Variants in CSMD1 observed in about 807,000 individuals in gnomAD.
The protein encoded by CSMD1 is CUB and sushi domain-containing protein 1.
CSMD1 carries 213 observed loss-of-function variants against 417.5 expected under a neutral mutation model. The observed-to-expected ratio is 0.51, with a 90% CI of 0.46 to 0.57. CSMD1 has a LOEUF of 0.57. CSMD1 is among the 20% of genes least tolerant of loss of function. The pLI, the probability that CSMD1 is intolerant of heterozygous loss-of-function variation, is 0.00. For synonymous variants in CSMD1, 2,862 were observed against 1,736.8 expected, an observed-to-expected ratio of 1.65 and a Z score of -16.11; for missense variants, 6,923 against 4,529.7, an observed-to-expected ratio of 1.53 and a Z score of -15.17.
chr8:4,702,106 C>A (rs576988032), intron 1 of CSMD1, among the ~76,000 whole-genome samples: 2 of 152,102 alleles, frequency 1.3e-5, no homozygotes, highest in South Asian at 4.1e-4. Flanking sequence ...TGGAGCCTGT[C>A]AGGGATGAGG....
chr8:2,993,498 C>G (rs1045637953), intron 54 of CSMD1, among the ~76,000 whole-genome samples: 1 of 152,224 alleles, frequency 6.6e-6, no homozygotes, highest in African/African-American at 2.4e-5. Flanking sequence ...CTCTCAGCGT[C>G]TCCCAGATGC....
At chr8:4,625,083 T>C (rs1402786469) in intron 2 of CSMD1, among the ~76,000 whole-genome samples, 1 of 152,058 alleles carries the variant, frequency 6.6e-6, no homozygotes, top group African/African-American at 2.4e-5. Context: ...TGTTCCTTAA[T>C]TGGATGGGTC....
At chr8:3,504,523 C>T (rs1486813659) in intron 10 of CSMD1, among the ~76,000 whole-genome samples, 1 of 152,178 alleles carries the variant, frequency 6.6e-6, no homozygotes, top group Non-Finnish European at 1.5e-5. Flanking sequence ...TTCATAAAAA[C>T]CTTGTCATGT....
At chr8:3,388,469 C>T in intron 17 of CSMD1, among the ~76,000 whole-genome samples, 1 of 152,148 alleles carries the variant, frequency 6.6e-6, no homozygotes, top group East Asian at 1.9e-4. Flanking sequence ...CTTGTTATTG[C>T]TGTGTCATCC....
Position 3,692,605 on chromosome 8 carries a change from G to C in CSMD1, c.1009+15809C>G, listed in dbSNP as rs533087044. Among the ~76,000 whole-genome samples the C allele has an allele frequency of 9.2e-4, 140 of 152,060 alleles. 3 individuals carry two copies. The highest frequency in any genetic ancestry group is 3.2e-3 in the African/African-American group (133 of 41,480). ...ATGTCACCACACACAGCTAATTTTT[G>C]TATTTTTCGTAGAGGTGGGGTTTCA... is the stretch of plus-strand genomic sequence containing the variant. On this transcript the variant is annotated intron_variant, in intron 7 of 69. Transcript: ENST00000635120.
At chr8:3,639,941 G>C (rs1051220737) in intron 7 of CSMD1, among the ~76,000 whole-genome samples, 6 of 152,202 alleles carry the variant, frequency 3.9e-5, no homozygotes, top group Non-Finnish European at 7.3e-5. Flanking sequence ...GATAAGAAGA[G>C]AAAATATTTA....
At chr8:4,753,779 C>T (rs966856057) in intron 1 of CSMD1, among the ~76,000 whole-genome samples, 29 of 152,330 alleles carry the variant, frequency 1.9e-4, no homozygotes, top group African/African-American at 4.6e-4. Flanking sequence ...TCCCTTTCCT[C>T]CCCACCACTG....
chr8:4,408,736 C>A (rs1157387512), intron 3 of CSMD1, among the ~76,000 whole-genome samples: 3 of 152,076 alleles, frequency 2.0e-5, no homozygotes, highest in African/African-American at 4.8e-5. Context: ...TTGTAGAGGT[C>A]AACAGAGTAT....
chr8:3,219,419 T>A lies in CSMD1; in HGVS notation c.4508A>T (p.Asp1503Val). Residue 1503 changes from aspartate to valine, a missense_variant, in exon 29 of 70, where the codon GAC becomes GTC. By Grantham distance (152) the Asp-to-Val change is radical. Coordinates refer to ENST00000635120, the MANE Select transcript of CSMD1 (RefSeq NM_033225.6). ...FKSFNMEPSYDFLHIYEGEDS... is the reference protein window; with the variant it reads ...FKSFNMEPSYVFLHIYEGEDS... ...TTCCCCTTCATAGATGTGTAGGAAG[T>A]CATAGCTGGGCTCCATGTTGAAACT... 2.6e-6 allele frequency: 4 copies of A among 1,524,466 alleles called. No individual in the cohort carries two copies. The highest frequency in any genetic ancestry group is 3.5e-6 in the Non-Finnish European group (4 of 1,136,300). The allele number at this position is 1,524,466 out of a possible 1,614,324, so 94.4% of individuals were successfully genotyped here. A position where few individuals can be genotyped will look rare whatever the true frequency, so the allele number is the denominator to read the frequency against.
At chr8:3,319,569 A>T (rs1806010945) in intron 23 of CSMD1, among the ~76,000 whole-genome samples, 2 of 152,232 alleles carry the variant, frequency 1.3e-5, no homozygotes, top group African/African-American at 4.8e-5. Context: ...CTATGCTTTC[A>T]AACACTTCCG....
chr8:4,824,648 G>A (rs1437341706), intron 1 of CSMD1, among the ~76,000 whole-genome samples: 2 of 152,104 alleles, frequency 1.3e-5, no homozygotes, highest in African/African-American at 2.4e-5. Flanking sequence ...CCCAACAGAA[G>A]GAATCTCATA....
At chr8:3,394,278 TATA>T (rs890114006) in intron 17 of CSMD1, among the ~76,000 whole-genome samples, 7 of 147,372 alleles carry the variant, frequency 4.7e-5, no homozygotes, top group Admixed American at 2.0e-4. Flanking sequence ...TTCCATATTT[TATA>T]ATAATAAAAT....
intron 5 of CSMD1, among the ~76,000 whole-genome samples, chr8:3,827,140 G>A (rs1052613122): frequency 1.3e-5 from 2 of 152,038 alleles, no homozygotes; most frequent in Non-Finnish European, 2.9e-5. Context: ...CCCTACATGT[G>A]CTCACACAGT....
chr8:4,274,323 G>A (rs1232834093), intron 3 of CSMD1, among the ~76,000 whole-genome samples: 8 of 152,072 alleles, frequency 5.3e-5, no homozygotes, highest in Non-Finnish European at 8.8e-5. Flanking sequence ...TACGTGGGGA[G>A]GAAAAACACA....
intron 1 of CSMD1, among the ~76,000 whole-genome samples, chr8:4,668,449 ATT>A: frequency 6.8e-6 from 1 of 146,038 alleles, no homozygotes; most frequent in South Asian, 2.2e-4. Flanking sequence ...TATTATTATT[ATT>A]ATTATTATTA....
intron 39 of CSMD1, among the ~76,000 whole-genome samples, chr8:3,157,042 T>G (rs776983149): frequency 7.0e-6 from 1 of 143,388 alleles, no homozygotes; most frequent in Non-Finnish European, 1.5e-5. Flanking sequence ...GCAGAGGAAG[T>G]AGATCCAGGA....
chr8:3,860,492 A>G lies in CSMD1; in HGVS notation c.819-106450T>C, dbSNP rs1158290941. On this transcript the variant is annotated intron_variant, in intron 5 of 69. Transcript: ENST00000635120. ...TAATATAGTTTTTAAAATGTACTTG[A>G]AGTTCCTTTATGCAAGGTACCTTGT... 2.0e-5 allele frequency among the ~76,000 whole-genome samples: 3 copies of G among 152,130 alleles called. No individual in the cohort carries two copies. The East Asian group carries it at 5.8e-4, about 29-fold the overall frequency.
rs149630412 is a variant in CSMD1, at chr8:4,236,164, A to C, written c.415+183789T>G. Among the ~76,000 whole-genome samples, 171 of 151,618 alleles carry C rather than the reference A, an allele frequency of 1.1e-3. 2 individuals carry two copies. Among genetic ancestry groups the C allele is most frequent in the African/African-American group, 3.6e-3 (150 of 41,166 alleles). Reference sequence around the variant, plus strand: ...TATGTTATCAGTAAGGTCTTCGATCAGGAACTGAAATGCCACGGACAACAC... The same window carrying C: ...TATGTTATCAGTAAGGTCTTCGATCCGGAACTGAAATGCCACGGACAACAC... On this transcript the variant is annotated intron_variant, in intron 3 of 69. Coordinates refer to ENST00000635120, the MANE Select transcript of CSMD1 (RefSeq NM_033225.6).
chr8:3,863,834 G>GA (rs1334428096), intron 5 of CSMD1, among the ~76,000 whole-genome samples: 5 of 151,844 alleles, frequency 3.3e-5, no homozygotes, highest in African/African-American at 7.3e-5. Context: ...AAAAAAATCA[G>GA]AAAAAACAGA....
Sources: gnomAD v4.1 joint callset for allele counts (sites outside exome capture counted in the v4.1 genomes callset) on GRCh38, gnomAD v4.1.1 for gene constraint, MANE v1.5 for transcripts, NCBI Gene and HGNC (gene_info 2026-07-23, HGNC 2026-07-21) for gene names.